ARHGAP22: variants seen among roughly 807,000 people sequenced by gnomAD.
ARHGAP22 encodes the protein Rho GTPase activating protein 22, also known as rho GTPase-activating protein 22.
In ARHGAP22, 48 loss-of-function variants were observed where a neutral mutation model predicts 59.1. That is an observed-to-expected ratio of 0.81 (90% CI 0.64 to 1.03). The LOEUF is 1.03. Ranked by LOEUF, ARHGAP22 falls within the 50% of genes least tolerant of loss-of-function variation. The pLI, the probability that ARHGAP22 is intolerant of heterozygous loss-of-function variation, is 0.00. For synonymous variants in ARHGAP22, 445 were observed against 416.4 expected (o/e 1.07, Z -0.84); for missense variants, 1,015 against 958.7 (o/e 1.06, Z -0.78).
intron 2 of ARHGAP22, among the ~76,000 whole-genome samples, chr10:48,573,976 C>T (rs921410718): frequency 1.6e-4 from 24 of 152,304 alleles, no homozygotes; most frequent in African/African-American, 5.8e-4. Context: ...TGTGGAGATG[C>T]TGTGTGAATG....
chr10:48,505,473 A>C (rs1359267104), intron 3 of ARHGAP22, among the ~76,000 whole-genome samples: 8 of 152,136 alleles, frequency 5.3e-5, no homozygotes, highest in Admixed American at 5.2e-4. Flanking sequence ...CAGATGCAGG[A>C]GTCCCGTGCG....
rs117782185 is a variant in ARHGAP22, at chr10:48,573,888, T to C, written c.234+9065A>G. Among the ~76,000 whole-genome samples the C allele has an allele frequency of 2.5e-4, 38 of 152,368 alleles. No homozygotes were observed. The East Asian group carries it at 7.1e-3, about 29-fold the overall frequency. ...CCAAATATTATGGTTTTTTCCATTA[T>C]AGTATGCAAGCTTTCATTCTACCTT... On this transcript the variant is annotated intron_variant, in intron 2 of 9. Transcript: ENST00000249601.
chr10:48,473,786 G>A (rs2048449427), intron 4 of ARHGAP22, among the ~76,000 whole-genome samples: 1 of 152,158 alleles, frequency 6.6e-6, no homozygotes, highest in African/African-American at 2.4e-5. Flanking sequence ...TCAATGCAAT[G>A]GGCTTGGCTA....
chr10:48,573,216 C>T (rs1454552075), intron 2 of ARHGAP22, among the ~76,000 whole-genome samples: 1 of 152,150 alleles, frequency 6.6e-6, no homozygotes, highest in Admixed American at 6.5e-5. Flanking sequence ...GGTAAAGTTC[C>T]ACCCAGGGGA....
At chr10:48,647,016 T>C (rs2062331611) in intron 1 of ARHGAP22, among the ~76,000 whole-genome samples, 1 of 152,240 alleles carries the variant, frequency 6.6e-6, no homozygotes, top group South Asian at 2.1e-4. Flanking sequence ...ATCTAGAACA[T>C]GTAAACATTC....
intron 9 of ARHGAP22, 94 bp from the exon 10 acceptor site, chr10:48,446,713 G>A: frequency 7.8e-7 from 1 of 1,284,386 alleles, no homozygotes; most frequent in South Asian, 1.4e-5. Context: ...TGGGTTGAGG[G>A]GTCAGGCCAA....
At chr10:48,641,445 G>A (rs1018749716) in intron 1 of ARHGAP22, among the ~76,000 whole-genome samples, 11 of 152,172 alleles carry the variant, frequency 7.2e-5, no homozygotes, top group Admixed American at 1.3e-4. Flanking sequence ...TTCAACATAC[G>A]CAAATCAATA....
Position 48,627,060 on chromosome 10 carries a change from C to T in ARHGAP22, c.52+25174G>A, listed in dbSNP as rs139454050. On this transcript the variant is annotated intron_variant, in intron 1 of 9. Transcript: ENST00000435790. ...TAAATGATGGGGTTCAGGGAGCTTC[C>T]GGGTTGGTGAACACATGGAGGTTCT... Among the ~76,000 whole-genome samples the T allele has an allele frequency of 7.1e-3, 1,075 of 152,224 alleles. 13 individuals are homozygous for T. The highest frequency in any genetic ancestry group is 0.023 in the African/African-American group (955 of 41,514).
chr10:48,500,686 G>A (rs1220278888), intron 3 of ARHGAP22, among the ~76,000 whole-genome samples: 1 of 152,018 alleles, frequency 6.6e-6, no homozygotes, highest in Admixed American at 6.6e-5. Flanking sequence ...CCAGGAGTTC[G>A]AGACCAGCCT....
chr10:48,472,172 C>T (rs2048294676), intron 4 of ARHGAP22, among the ~76,000 whole-genome samples: 1 of 150,852 alleles, frequency 6.6e-6, no homozygotes, highest in South Asian at 2.1e-4. Context: ...AGCATCACTG[C>T]ACTCTAGCCT....
chr10:48,655,068 C>CTTCTCTTCTCTTCT (rs2062743906), upstream of ARHGAP22, among the ~76,000 whole-genome samples: 1 of 22,126 alleles, frequency 4.5e-5, no homozygotes, highest in Non-Finnish European at 8.4e-5. Flanking sequence ...TTCCTTCCCT[C>CTTCTCTTCTCTTCT]CTTCTCTTCT....
chr10:48,537,670 A>AG (rs1196154775), intron 3 of ARHGAP22, among the ~76,000 whole-genome samples: 1 of 152,210 alleles, frequency 6.6e-6, no homozygotes. Context: ...TGGCGCACAC[A>AG]GGGGGGAAGC....
intron 3 of ARHGAP22, among the ~76,000 whole-genome samples, chr10:48,508,171 C>T (rs968113554): frequency 2.0e-5 from 3 of 152,302 alleles, no homozygotes; most frequent in Admixed American, 6.5e-5. Flanking sequence ...GGGACTTCAG[C>T]CTCTGGCCCA....
At chr10:48,559,023 G>A (rs920741707) in intron 2 of ARHGAP22, among the ~76,000 whole-genome samples, 3 of 152,208 alleles carry the variant, frequency 2.0e-5, no homozygotes, top group African/African-American at 7.2e-5. Context: ...TGCTTTAGAC[G>A]CATGCAGGTC....
rs185103861 is a variant in ARHGAP22, at chr10:48,558,428, T to G, written c.235-2878A>C. ...CCCAGGCTGGAGAGCAGTGTTGCGA[T>G]CATGGCTTACTGCAGCCTCTACCTA... On this transcript the variant is annotated intron_variant, in intron 2 of 9. Transcript: ENST00000249601. Among the ~76,000 whole-genome samples the G allele has an allele frequency of 3.7e-3, 565 of 152,206 alleles. 6 individuals carry two copies. The highest frequency in any genetic ancestry group is 0.013 in the African/African-American group (545 of 41,524).
intron 3 of ARHGAP22, among the ~76,000 whole-genome samples, chr10:48,551,575 G>A (rs1435312305): frequency 3.3e-4 from 51 of 152,276 alleles, no homozygotes; most frequent in Admixed American, 3.1e-3. Flanking sequence ...GTTTTCCTGC[G>A]TGTCCCCGCA....
At chr10:48,555,684 G>C in intron 2 of ARHGAP22, 134 bp from the exon 3 acceptor site, 2 of 757,758 alleles carry the variant, frequency 2.6e-6, no homozygotes, top group Non-Finnish European at 4.5e-6. Context: ...GGGCCTCAGA[G>C]AGGGGCACAC....
intron 1 of ARHGAP22, among the ~76,000 whole-genome samples, chr10:48,632,601 T>C (rs76316010): frequency 0.068 from 10,370 of 152,202 alleles, 523 homozygotes; most frequent in South Asian, 0.19. Context: ...AAGATGTGTA[T>C]ATTTTTTGTT....
chr10:48,538,310 C>T (rs1049190881), intron 3 of ARHGAP22, among the ~76,000 whole-genome samples: 10 of 152,160 alleles, frequency 6.6e-5, no homozygotes, highest in Non-Finnish European at 1.5e-4. Context: ...GGACACCAAC[C>T]ATTGGATTTG....
Sources: gnomAD v4.1 joint callset for allele counts (sites outside exome capture counted in the v4.1 genomes callset) on GRCh38, gnomAD v4.1.1 for gene constraint, MANE v1.5 for transcripts, NCBI Gene and HGNC (gene_info 2026-07-23, HGNC 2026-07-21) for gene names.